GLOD4: variants seen among roughly 807,000 people sequenced by gnomAD.
The protein encoded by GLOD4 is glyoxalase domain-containing protein 4.
Under a neutral mutation model 39.1 loss-of-function variants are expected in GLOD4, and 44 were observed. The ratio of observed to expected loss-of-function variants is 1.13; its 90% CI spans 0.88 to 1.45. GLOD4 has a LOEUF of 1.45. Among genes scored for constraint, GLOD4 ranks in the 40% most tolerant of loss-of-function variants. The pLI is 0.00. For missense variants in GLOD4, 405 were observed against 366.4 expected, an observed-to-expected ratio of 1.11 and a Z score of -0.86; for synonymous variants, 145 against 135.0, an observed-to-expected ratio of 1.07 and a Z score of -0.52.
chr17:765,778 A>G (rs1402373120), intron 8 of GLOD4, among the ~76,000 whole-genome samples: 2 of 151,756 alleles, frequency 1.3e-5, no homozygotes, highest in Admixed American at 6.6e-5. Flanking sequence ...GTGAAACCCC[A>G]TCTCTACTAA....
chr17:774,039 G>A (rs1908460154), intron 4 of GLOD4, among the ~76,000 whole-genome samples: 1 of 152,102 alleles, frequency 6.6e-6, no homozygotes, highest in Non-Finnish European at 1.5e-5. Context: ...TATCACTAAG[G>A]CTGGAGAGAA....
At chr17:776,718 C>A in intron 3 of GLOD4, 150 bp downstream of exon 3, 1 of 653,668 alleles carries the variant, frequency 1.5e-6, no homozygotes, top group Non-Finnish European at 2.7e-6. Context: ...GCGCATCCCC[C>A]AGATATCCAC....
chr17:772,673 A>G (rs865884451), intron 4 of GLOD4, among the ~76,000 whole-genome samples: 1 of 152,188 alleles, frequency 6.6e-6, no homozygotes, highest in Admixed American at 6.5e-5. Context: ...TCCACAAAAC[A>G]AGGAATTAGA....
intron 8 of GLOD4, among the ~76,000 whole-genome samples, chr17:769,357 GAGGGGAACGGATGGAGGC>G (rs1467037014): frequency 6.6e-6 from 1 of 150,806 alleles, no homozygotes; most frequent in African/African-American, 2.4e-5. Context: ...GCGGAGAGCT[GAGGGGAACGGATGGAGGC>G]ATCTCCATGG....
chr17:782,287 C>T (rs376407647), upstream of GLOD4: 514 of 1,611,906 alleles, frequency 3.2e-4, 1 homozygote, highest in Non-Finnish European at 4.0e-4. Flanking sequence ...TCACGCGCAC[C>T]GTACAGCCCA....
At chr17:782,612 G>T, upstream of GLOD4, 1 of 1,614,014 alleles carries the variant, frequency 6.2e-7, no homozygotes, top group Non-Finnish European at 8.5e-7. Flanking sequence ...CGCTCGAGGA[G>T]TCCGCATCCC....
chr17:769,804 C>A, intron 8 of GLOD4, 65 bp downstream of exon 8: 1 of 971,242 alleles, frequency 1.0e-6, no homozygotes, highest in South Asian at 1.3e-5. Flanking sequence ...TTAGTCTCCT[C>A]CCACACACAC....
At chr17:767,359 G>C (rs1906761247) in intron 8 of GLOD4, among the ~76,000 whole-genome samples, 1 of 152,238 alleles carries the variant, frequency 6.6e-6, no homozygotes, top group Non-Finnish European at 1.5e-5. Context: ...TCTAAAAGTA[G>C]TTGCTATATT....
chr17:768,069 C>T (rs903659060), intron 8 of GLOD4, among the ~76,000 whole-genome samples: 6 of 145,880 alleles, frequency 4.1e-5, no homozygotes, highest in Middle Eastern at 3.7e-3. Context: ...AGAGAAACAG[C>T]GCGCACTCAG....
At chr17:768,073 C>T (rs1033558839) in intron 8 of GLOD4, among the ~76,000 whole-genome samples, 6 of 147,292 alleles carry the variant, frequency 4.1e-5, no homozygotes, top group Non-Finnish European at 7.4e-5. Flanking sequence ...AAACAGCGCG[C>T]ACTCAGATTT....
intron 8 of GLOD4, among the ~76,000 whole-genome samples, chr17:767,703 A>G (rs960339761): frequency 2.7e-5 from 4 of 149,718 alleles, no homozygotes; most frequent in Non-Finnish European, 5.9e-5. Flanking sequence ...AGATTTTTAG[A>G]AGAAGAAATC....
At chr17:763,200 T>C (rs75007865) in intron 8 of GLOD4, among the ~76,000 whole-genome samples, 1 of 98,940 alleles carries the variant, frequency 1.0e-5, no homozygotes, top group South Asian at 3.2e-4. Flanking sequence ...AAAAAAAAAA[T>C]CAGAGAATGT....
chr17:782,114 C>CG (rs1567797148), intron 1 of GLOD4, 52 bp downstream of exon 1: 7 of 1,399,658 alleles, frequency 5.0e-6, no homozygotes, highest in Non-Finnish European at 5.9e-6. Flanking sequence ...AGGGCCGGCT[C>CG]GGGCGCCGGT....
In GLOD4 at chr17:775,810, TTA is replaced by T; in HGVS notation, c.369_370del (p.Tyr123Ter). ...CAGACTGCGATTCTGCAAATAGAAC[TTA>T]TATCCTCCCGGGGCCTCGGTTTCAA... On this transcript the variant is annotated stop_gained and frameshift_variant, in exon 4 of 9. Coordinates refer to ENST00000301329, the MANE Select transcript of GLOD4 (RefSeq NM_016080.4). LOFTEE classifies it high-confidence loss of function. The T allele has an allele frequency of 1.2e-6, 2 of 1,614,034 alleles. No homozygotes were observed. Among genetic ancestry groups the T allele is most frequent in the South Asian group, 1.1e-5 (1 of 91,082 alleles).
intron 8 of GLOD4, among the ~76,000 whole-genome samples, chr17:769,614 C>T (rs1907574130): frequency 6.6e-6 from 1 of 152,144 alleles, no homozygotes; most frequent in African/African-American, 2.4e-5. Flanking sequence ...ATGTGGAGAG[C>T]AGAATAAGCA....
At chr17:777,508 G>C (rs879805809) in intron 2 of GLOD4, 1 of 155,444 alleles carries the variant, frequency 6.4e-6, no homozygotes, top group Non-Finnish European at 1.4e-5. Context: ...TGGGCATGGT[G>C]GCACATGCCC....
At chr17:781,805 G>C (rs1910010551) in intron 1 of GLOD4, 1 of 233,406 alleles carries the variant, frequency 4.3e-6, no homozygotes, top group African/African-American at 2.3e-5. Flanking sequence ...TACATCAAAG[G>C]CTCCAAACCG....
chr17:783,094 C>T (rs376823051), upstream of GLOD4: 9 of 1,611,778 alleles, frequency 5.6e-6, no homozygotes, highest in East Asian at 8.9e-5. Context: ...AGTGTAATGA[C>T]AATAGTAAAG....
In GLOD4 at chr17:779,175, C is replaced by T. The variant is rs183096895; in HGVS notation, c.91-431G>A. 1.9e-3 allele frequency among the ~76,000 whole-genome samples: 286 copies of T among 151,902 alleles called. 2 individuals carry two copies. The highest frequency in any genetic ancestry group is 3.3e-3 in the Non-Finnish European group (223 of 67,964). ...ACTAAAAATACAAAAATTAGCCAGGCGTGGTGGCGTGTGCTTGTGATCCCA... is the reference window on the plus strand; with the variant it reads ...ACTAAAAATACAAAAATTAGCCAGGTGTGGTGGCGTGTGCTTGTGATCCCA... On this transcript the variant is annotated intron_variant, in intron 1 of 8. Transcript: ENST00000301329.
Sources: allele counts gnomAD v4.1 joint callset (sites outside exome capture counted in the v4.1 genomes callset), GRCh38; gene constraint gnomAD v4.1.1; transcripts MANE v1.5; gene names NCBI Gene and HGNC (gene_info 2026-07-23, HGNC 2026-07-21).